Variants in FBLN7 observed in about 807,000 individuals in gnomAD.
FBLN7 encodes the protein fibulin-7.
FBLN7 carries 31 observed loss-of-function variants against 44.0 expected under a neutral mutation model. The observed-to-expected ratio is 0.70, with a 90% CI of 0.53 to 0.95. The LOEUF (loss-of-function observed/expected upper bound fraction) is 0.95. Ranked by LOEUF, FBLN7 falls within the 40% of genes least tolerant of loss-of-function variation. The pLI, the probability that FBLN7 is intolerant of heterozygous loss-of-function variation, is 0.00. For synonymous variants in FBLN7, 262 were observed against 253.4 expected (o/e 1.03, Z -0.32); for missense variants, 573 against 618.5 (o/e 0.93, Z 0.78).
At chr2:112,182,720 T>A in intron 5 of FBLN7, 71 bp from the exon 6 acceptor site, 2 of 1,504,858 alleles carry the variant, frequency 1.3e-6, no homozygotes, top group Non-Finnish European at 1.8e-6. Context: ...TGAAGCATGA[T>A]TGTTCTGGGT....
chr2:112,161,118 C>A (rs1681847964), intron 2 of FBLN7, among the ~76,000 whole-genome samples: 2 of 152,210 alleles, frequency 1.3e-5, no homozygotes, highest in African/African-American at 4.8e-5. Flanking sequence ...AGCTTTCACA[C>A]CGCCAAGACC....
At chr2:112,160,736 A>ACGCACG (rs1558879907) in intron 2 of FBLN7, among the ~76,000 whole-genome samples, 1 of 102,152 alleles carries the variant, frequency 9.8e-6, no homozygotes, top group Non-Finnish European at 2.2e-5. Flanking sequence ...ACGCACGCAC[A>ACGCACG]CGCACACACG....
At chr2:112,156,902 T>G (rs1461574311) in intron 1 of FBLN7, among the ~76,000 whole-genome samples, 1 of 152,078 alleles carries the variant, frequency 6.6e-6, no homozygotes, top group African/African-American at 2.4e-5. Context: ...AGTGGCTCCA[T>G]TCCCACCGCG....
chr2:112,220,914 T>G, the FBLN7 span, among the ~76,000 whole-genome samples: 1 of 152,234 alleles, frequency 6.6e-6, no homozygotes, highest in East Asian at 1.9e-4. Flanking sequence ...CCTTGGAGAA[T>G]CTGATGACTA....
downstream of FBLN7, among the ~76,000 whole-genome samples, chr2:112,190,978 GA>G (rs1456154572): frequency 1.3e-5 from 2 of 152,042 alleles, no homozygotes; most frequent in Non-Finnish European, 2.9e-5. Flanking sequence ...TTGTTAGTTA[GA>G]GGGGAGAACT....
intron 1 of FBLN7, among the ~76,000 whole-genome samples, chr2:112,157,820 G>C (rs889580885): frequency 5.3e-5 from 8 of 151,820 alleles, no homozygotes; most frequent in Non-Finnish European, 1.2e-4. Context: ...GGGTGGTCTT[G>C]AACTCCTGGA....
At chr2:112,239,497 C>CAA in the FBLN7 span, among the ~76,000 whole-genome samples, 1 of 149,472 alleles carries the variant, frequency 6.7e-6, no homozygotes, top group Non-Finnish European at 1.5e-5. Context: ...AACTAAGAAG[C>CAA]AAACTCAAAA....
At chr2:112,193,877 A>G in the FBLN7 span, among the ~76,000 whole-genome samples, 1 of 152,254 alleles carries the variant, frequency 6.6e-6, no homozygotes, top group Admixed American at 6.5e-5. Flanking sequence ...TGATGTGGGA[A>G]GAAAGGAAAC....
chr2:112,160,116 G>A (rs1004598635), intron 2 of FBLN7, among the ~76,000 whole-genome samples: 17 of 152,006 alleles, frequency 1.1e-4, no homozygotes, highest in African/African-American at 2.2e-4. Context: ...TCAGCCTCCC[G>A]CGTAGCTGGG....
At chr2:112,186,403 G>A (rs573505885) in intron 7 of FBLN7, among the ~76,000 whole-genome samples, 30 of 152,276 alleles carry the variant, frequency 2.0e-4, no homozygotes, top group Non-Finnish European at 2.4e-4. Context: ...ACTCTGGGAG[G>A]CCGAGGAGGG....
intron 7 of FBLN7, among the ~76,000 whole-genome samples, 154 bp from the exon 8 acceptor site, chr2:112,186,980 C>T (rs1321703613): frequency 2.6e-5 from 4 of 152,196 alleles, no homozygotes; most frequent in Admixed American, 6.5e-5. Context: ...TACATTCACT[C>T]GTCCACAGCT....
chr2:112,192,794 C>T (rs1047109315), downstream of FBLN7, among the ~76,000 whole-genome samples: 1 of 152,188 alleles, frequency 6.6e-6, no homozygotes, highest in Non-Finnish European at 1.5e-5. Flanking sequence ...TTAGCTTGTA[C>T]ATATGAAAAT....
chr2:112,187,453 C>T lies in FBLN7; in HGVS notation c.1267C>T (p.Gln423Ter). ...DMSEYLDRSF[Q>*]ANHVSKVTIF... Reference sequence around the variant, plus strand: ...GTCGGAATACCTGGACCGCTCCTTCCAGGCCAACCACGTGTCCAAGGTCAC... The same window carrying T: ...GTCGGAATACCTGGACCGCTCCTTCTAGGCCAACCACGTGTCCAAGGTCAC... Residue 423 changes from glutamine (Q) to a stop codon, truncating the protein, a stop_gained, in exon 8 of 8, where the codon CAG (glutamine) becomes TAG (stop). Coordinates refer to ENST00000331203, the MANE Select transcript of FBLN7 (RefSeq NM_153214.3). LOFTEE classifies it high-confidence loss of function. The surrounding 1 kb of genome is among the most constrained non-coding windows in gnomAD (Gnocchi z 5.1). 1 of 1,614,236 alleles carries T rather than the reference C, an allele frequency of 6.2e-7. No individual in the cohort carries two copies. The highest frequency in any genetic ancestry group is 2.2e-5 in the East Asian group (1 of 44,876).
chr2:112,173,579 AG>A (rs1199480279), intron 3 of FBLN7, among the ~76,000 whole-genome samples: 1 of 152,228 alleles, frequency 6.6e-6, no homozygotes, highest in African/African-American at 2.4e-5. Flanking sequence ...TAGAAATAAA[AG>A]AAAAAAGTTC....
the FBLN7 span, among the ~76,000 whole-genome samples, chr2:112,236,278 T>TA: frequency 6.6e-5 from 10 of 151,910 alleles, no homozygotes; most frequent in Middle Eastern, 6.8e-3. Flanking sequence ...ATAACAATAA[T>TA]AAAAAAAATC....
intron 4 of FBLN7, among the ~76,000 whole-genome samples, chr2:112,178,970 A>G (rs941435028): frequency 3.3e-5 from 5 of 152,212 alleles, no homozygotes; most frequent in Non-Finnish European, 2.9e-5. Context: ...TCAACGTAGT[A>G]TTGGAAGTCC....
chr2:112,239,528 C>T, the FBLN7 span, among the ~76,000 whole-genome samples: 3 of 145,246 alleles, frequency 2.1e-5, no homozygotes, highest in African/African-American at 7.7e-5. Context: ...AAAAACAAAA[C>T]AGAAGAATCG....
chr2:112,212,965 C>CTTTTTTTTTT, the FBLN7 span: 10 of 84,916 alleles, frequency 1.2e-4, no homozygotes, highest in African/African-American at 1.4e-4. Flanking sequence ...AGAAGAAATG[C>CTTTTTTTTTT]TTTTTTTTTT....
the FBLN7 span, among the ~76,000 whole-genome samples, chr2:112,207,062 A>G: frequency 6.6e-6 from 1 of 152,172 alleles, no homozygotes; most frequent in Admixed American, 6.5e-5. Context: ...TACTTCCATT[A>G]TGTACAGAGA....
Sources: gnomAD v4.1 joint callset for allele counts (sites outside exome capture counted in the v4.1 genomes callset) on GRCh38, gnomAD v4.1.1 for gene constraint, Gnocchi (gnomAD v3.1) non-coding constraint, MANE v1.5 for transcripts, NCBI Gene and HGNC (gene_info 2026-07-23, HGNC 2026-07-21) for gene names.